GPC5: variants seen among roughly 807,000 people sequenced by gnomAD.
GPC5 encodes the protein glypican-5.
Under a neutral mutation model 53.9 loss-of-function variants are expected in GPC5, and 47 were observed. That is an observed-to-expected ratio of 0.87 (90% CI 0.69 to 1.11). The LOEUF (loss-of-function observed/expected upper bound fraction) is 1.11, where lower values mean the gene tolerates loss of function less well. Ranked by LOEUF, GPC5 falls within the 50% of genes most tolerant of loss-of-function variation. GPC5 has a pLI of 0.00. For missense variants in GPC5, 748 were observed against 713.1 expected (o/e 1.05, Z -0.56); for synonymous variants, 286 against 263.3 (o/e 1.09, Z -0.84).
At chr13:92,647,971 C>T (rs7996165) in intron 7 of GPC5, among the ~76,000 whole-genome samples, 86,147 of 151,852 alleles carry the variant, frequency 0.57, 27,992 homozygotes, top group Non-Finnish European at 0.75. Context: ...CATGGTACTG[C>T]AACCAAATGT....
Position 92,341,568 on chromosome 13 carries a change from T to C in GPC5, c.1561+196579T>C, listed in dbSNP as rs116203065. On this transcript the variant is annotated intron_variant, in intron 7 of 7. Transcript: ENST00000377067. ...TAAATTTTCTTCAAAAATATATTGA[T>C]TGAATAATTAAGAGGTGAGTTGCTG... is the stretch of plus-strand genomic sequence containing the variant. Among the ~76,000 whole-genome samples the C allele has an allele frequency of 5.9e-3, 893 of 152,178 alleles. 9 individuals carry two copies. Among genetic ancestry groups the C allele is most frequent in the African/African-American group, 0.021 (852 of 41,542 alleles).
chr13:91,783,833 T>A (rs538734824), intron 5 of GPC5, among the ~76,000 whole-genome samples: 2 of 152,314 alleles, frequency 1.3e-5, no homozygotes, highest in African/African-American at 2.4e-5. Context: ...AGTCAATAAT[T>A]AGCATGTCTC....
chr13:92,863,527 C>T (rs1383912677), intron 7 of GPC5, among the ~76,000 whole-genome samples: 1 of 152,120 alleles, frequency 6.6e-6, no homozygotes, highest in African/African-American at 2.4e-5. Context: ...GAGTTTCGTT[C>T]TTGCTGCCCA....
At chr13:91,975,516 A>C (rs948749244) in intron 6 of GPC5, among the ~76,000 whole-genome samples, 1 of 152,248 alleles carries the variant, frequency 6.6e-6, no homozygotes, top group Non-Finnish European at 1.5e-5. Flanking sequence ...ACACACATGA[A>C]AAAATGCTCA....
chr13:91,520,854 A>G (rs979851486), intron 2 of GPC5, among the ~76,000 whole-genome samples: 8 of 152,138 alleles, frequency 5.3e-5, no homozygotes, highest in African/African-American at 1.9e-4. Flanking sequence ...AGTTTAACAG[A>G]TAATGATTTC....
chr13:92,040,742 T>A lies in GPC5; in HGVS notation c.1402-104088T>A, dbSNP rs537314136. 3.7e-4 allele frequency among the ~76,000 whole-genome samples: 57 copies of A among 152,342 alleles called. No homozygotes were observed. The South Asian group carries it at 0.011, about 30-fold the overall frequency. ...TTTTTAGTCATCTTTATCAAACGTA[T>A]GTATAGCTCAAACCTATTTCTGTGT... is the stretch of plus-strand genomic sequence containing the variant. On this transcript the variant is annotated intron_variant, in intron 6 of 7. Transcript: ENST00000377067.
intron 7 of GPC5, among the ~76,000 whole-genome samples, chr13:92,262,854 T>C (rs12864687): frequency 0.013 from 1,961 of 152,308 alleles, 38 homozygotes; most frequent in Middle Eastern, 0.044. Flanking sequence ...TAGTTCCTGT[T>C]AGCTCTTTCT....
chr13:91,903,300 A>T (rs2039518405), intron 5 of GPC5, among the ~76,000 whole-genome samples: 1 of 152,126 alleles, frequency 6.6e-6, no homozygotes, highest in African/African-American at 2.4e-5. Flanking sequence ...CTATATCATT[A>T]TACAAATATA....
At chr13:92,081,590 A>G (rs1472468471) in intron 6 of GPC5, among the ~76,000 whole-genome samples, 1 of 152,208 alleles carries the variant, frequency 6.6e-6, no homozygotes, top group Non-Finnish European at 1.5e-5. Context: ...GGTCTGTTCA[A>G]ATAATTTCTT....
chr13:92,128,458 A>G (rs1297791637), intron 6 of GPC5, among the ~76,000 whole-genome samples: 2 of 152,232 alleles, frequency 1.3e-5, no homozygotes, highest in Non-Finnish European at 2.9e-5. Flanking sequence ...ATGTTGGTTG[A>G]AATCTACTGC....
chr13:91,741,912 G>A (rs559178759), intron 4 of GPC5, among the ~76,000 whole-genome samples: 125 of 152,200 alleles, frequency 8.2e-4, no homozygotes, highest in Non-Finnish European at 1.4e-3. Context: ...CTATTTCCTC[G>A]TAAGTGAAAG....
At chr13:92,622,035 C>T (rs1884888496) in intron 7 of GPC5, among the ~76,000 whole-genome samples, 1 of 152,170 alleles carries the variant, frequency 6.6e-6, no homozygotes, top group African/African-American at 2.4e-5. Context: ...TCTCATTCCC[C>T]CTCCATGTCC....
At chr13:91,883,950 C>T (rs545361036) in intron 5 of GPC5, among the ~76,000 whole-genome samples, 4 of 151,940 alleles carry the variant, frequency 2.6e-5, no homozygotes, top group Non-Finnish European at 4.4e-5. Flanking sequence ...AGCTTTCACC[C>T]CCCTTTTCAA....
At chr13:92,556,930 AG>A (rs1458001288) in intron 7 of GPC5, among the ~76,000 whole-genome samples, 1 of 151,940 alleles carries the variant, frequency 6.6e-6, no homozygotes, top group Non-Finnish European at 1.5e-5. Context: ...CCCTATAAAC[AG>A]GAGAGGAAAA....
chr13:92,840,082 T>C (rs1489764015), intron 7 of GPC5, among the ~76,000 whole-genome samples: 12 of 10,710 alleles, frequency 1.1e-3, no homozygotes, highest in South Asian at 7.7e-3. Context: ...TACATACATA[T>C]ATATATATAT....
intron 2 of GPC5, among the ~76,000 whole-genome samples, chr13:91,474,716 G>T (rs1306566375): frequency 6.6e-6 from 1 of 152,082 alleles, no homozygotes. Context: ...TGGTATATTA[G>T]TGGGGCCAGT....
At chr13:92,641,447 G>A (rs577187969) in intron 7 of GPC5, among the ~76,000 whole-genome samples, 1 of 152,256 alleles carries the variant, frequency 6.6e-6, no homozygotes, top group Non-Finnish European at 1.5e-5. Context: ...TAAAGAAGGT[G>A]AAAGAGATAT....
At chr13:92,729,494 T>A (rs1270056202) in intron 7 of GPC5, among the ~76,000 whole-genome samples, 1 of 151,550 alleles carries the variant, frequency 6.6e-6, no homozygotes, top group East Asian at 1.9e-4. Flanking sequence ...TTAAGATCAA[T>A]TTTACCTTTT....
At chr13:92,277,122 A>G (rs16947253) in intron 7 of GPC5, among the ~76,000 whole-genome samples, 30,030 of 151,732 alleles carry the variant, frequency 0.2, 3,092 homozygotes, top group South Asian at 0.37. Flanking sequence ...ATTTCTTACC[A>G]TTATTATTAT....
Sources: allele counts gnomAD v4.1 joint callset (sites outside exome capture counted in the v4.1 genomes callset), GRCh38; gene constraint gnomAD v4.1.1; transcripts MANE v1.5; gene names NCBI Gene and HGNC (gene_info 2026-07-23, HGNC 2026-07-21).